RPS24: variants seen among roughly 807,000 people sequenced by gnomAD.
The protein encoded by RPS24 is small ribosomal subunit protein eS24.
For missense variants in RPS24, 100 were observed against 162.5 expected (o/e 0.62, Z 2.09); for synonymous variants, 72 against 55.6 (o/e 1.30, Z -1.31).
chr10:78,037,474 G>C, intron 4 of RPS24, 170 bp downstream of exon 4: 2 of 1,103,584 alleles, frequency 1.8e-6, no homozygotes, highest in Non-Finnish European at 2.5e-6. Context: ...GTAGCATAGT[G>C]TCTTAACACC....
downstream of RPS24, among the ~76,000 whole-genome samples, chr10:78,042,976 G>A (rs759012510): frequency 6.6e-6 from 1 of 150,814 alleles, no homozygotes; most frequent in Non-Finnish European, 1.5e-5. Context: ...TCTGAACAAC[G>A]ATCTCCATTA....
downstream of RPS24, among the ~76,000 whole-genome samples, chr10:78,041,386 G>T (rs1847984487): frequency 6.6e-6 from 1 of 152,192 alleles, no homozygotes; most frequent in Non-Finnish European, 1.5e-5. Context: ...CTGGCCAGGG[G>T]GTGGTTGGAG....
intron 4 of RPS24, among the ~76,000 whole-genome samples, chr10:78,051,374 C>G (rs1263322590): frequency 1.3e-5 from 2 of 152,208 alleles, no homozygotes; most frequent in Non-Finnish European, 2.9e-5. Flanking sequence ...GATTCTTTCA[C>G]TCAGCCTAAT....
intron 4 of RPS24, among the ~76,000 whole-genome samples, chr10:78,050,754 G>A (rs59677462): frequency 1.1e-3 from 162 of 152,274 alleles, no homozygotes; most frequent in African/African-American, 3.8e-3. Context: ...AGGACTACAG[G>A]TGCACAGCAC....
intron 4 of RPS24, chr10:78,037,600 T>G (rs1243172571): frequency 2.6e-6 from 1 of 381,196 alleles, no homozygotes; most frequent in Non-Finnish European, 4.8e-6. Context: ...AAGTTTTAAT[T>G]TTACTAATTG....
intron 2 of RPS24, 34 bp from the exon 3 acceptor site, chr10:78,035,477 C>T (rs1656349562): frequency 1.2e-6 from 2 of 1,612,538 alleles, no homozygotes; most frequent in Admixed American, 1.7e-5. Context: ...TGTATTTTAT[C>T]ATACTGAATG....
chr10:78,035,337 T>G lies in RPS24; in HGVS notation c.4-15T>G. 1 of 1,612,976 alleles carries G rather than the reference T, an allele frequency of 6.2e-7. No homozygotes were observed. The highest frequency in any genetic ancestry group is 8.5e-7 in the Non-Finnish European group (1 of 1,179,154). On this transcript the variant is annotated splice_polypyrimidine_tract_variant and intron_variant, in intron 1 of 5. Coordinates refer to ENST00000372360, the MANE Select transcript of RPS24 (RefSeq NM_033022.4). ...GTTGGAGTAGTTTTATTAACCAGAG[T>G]GTTTATGTTTTCAGAACGACACCGT... is the stretch of plus-strand genomic sequence containing the variant.
At chr10:78,052,577 G>A (rs1021396307) in intron 4 of RPS24, among the ~76,000 whole-genome samples, 1 of 152,286 alleles carries the variant, frequency 6.6e-6, no homozygotes, top group East Asian at 1.9e-4. Flanking sequence ...CACCTGGAGC[G>A]AAGGCACGGC....
chr10:78,039,576 T>C (rs1009041391), intron 4 of RPS24: 1 of 152,894 alleles, frequency 6.5e-6, no homozygotes, highest in Non-Finnish European at 1.5e-5. Flanking sequence ...TTGTTCTTGC[T>C]TTTTGGTTGC....
downstream of RPS24, chr10:78,040,813 A>C (rs1337017281): frequency 6.6e-6 from 5 of 752,522 alleles, no homozygotes; most frequent in African/African-American, 7.0e-5. Flanking sequence ...GTGAAAACTT[A>C]ATGTCATGGG....
intron 5 of RPS24, 71 bp from the exon 6 acceptor site, chr10:78,040,544 C>G: frequency 9.0e-7 from 1 of 1,113,584 alleles, no homozygotes; most frequent in African/African-American, 1.5e-5. Flanking sequence ...AGTGTTACTA[C>G]TTTTGGAATT....
chr10:78,049,726 G>C (rs1405578466), intron 4 of RPS24, among the ~76,000 whole-genome samples: 1 of 152,218 alleles, frequency 6.6e-6, no homozygotes, highest in African/African-American at 2.4e-5. Context: ...TTGACCCTAA[G>C]AGCACCTTGC....
chr10:78,043,959 C>T (rs1185116627), downstream of RPS24, among the ~76,000 whole-genome samples: 2 of 139,954 alleles, frequency 1.4e-5, no homozygotes, highest in African/African-American at 3.3e-5. Flanking sequence ...CGTCATTTAC[C>T]TCCCTCTCCC....
rs1318171179 is a variant in RPS24, at chr10:78,040,347, A to G, written c.*19+122A>G. The stretch of plus-strand genomic sequence containing the variant: ...AAGTAGATTTACAAATATTCTGAAG[A>G]GTTGTAACCTTTTAAAATACTAACA... On this transcript the variant is annotated intron_variant, in intron 5 of 5. Coordinates refer to ENST00000372360, the MANE Select transcript of RPS24 (RefSeq NM_033022.4). 4 of 879,768 alleles carry G rather than the reference A, an allele frequency of 4.5e-6. 1 individual carries two copies. The African/African-American group carries it at 6.8e-5, about 15-fold the overall frequency. The allele number at this position is 879,768 out of a possible 1,614,324, so 54.5% of individuals were successfully genotyped here.
At chr10:78,054,591 A>G in exon 5 of RPS24, 2 of 1,551,422 alleles carry the variant, frequency 1.3e-6, no homozygotes, top group Non-Finnish European at 1.7e-6. Flanking sequence ...AGAGAGATGC[A>G]CAGATGTGAA....
chr10:78,034,224 G>A, intron 1 of RPS24: 1 of 523,564 alleles, frequency 1.9e-6, no homozygotes, highest in African/African-American at 1.9e-5. Context: ...GGCACATCTC[G>A]TCTGCAGTTC....
At chr10:78,038,806 A>G (rs1413630508) in intron 4 of RPS24, 2 of 151,932 alleles carry the variant, frequency 1.3e-5, no homozygotes, top group African/African-American at 4.8e-5. Flanking sequence ...TGCCCTGCCA[A>G]TTTTTTGTAG....
chr10:78,054,753 T>C (rs1198101894), exon 5 of RPS24: 1 of 1,551,532 alleles, frequency 6.4e-7, no homozygotes, highest in East Asian at 2.4e-5. Flanking sequence ...CAGAGAACAG[T>C]GCTGCCAGGC....
At chr10:78,043,348 C>A (rs140026621), downstream of RPS24, among the ~76,000 whole-genome samples, 1 of 152,304 alleles carries the variant, frequency 6.6e-6, no homozygotes, top group African/African-American at 2.4e-5. Context: ...TGGACCCACG[C>A]TGGAAAGGGT....
Sources: gnomAD v4.1 joint callset for allele counts (sites outside exome capture counted in the v4.1 genomes callset) on GRCh38, gnomAD v4.1.1 for gene constraint, MANE v1.5 for transcripts, NCBI Gene and HGNC (gene_info 2026-07-23, HGNC 2026-07-21) for gene names.